Variants in BPNT1 observed in about 807,000 individuals in gnomAD.
BPNT1 encodes the protein 3'(2'),5'-bisphosphate nucleotidase 1.
BPNT1 carries 28 observed loss-of-function variants against 36.9 expected under a neutral mutation model. The observed-to-expected ratio is 0.76, with a 90% CI of 0.56 to 1.04. The LOEUF is 1.04. Among genes scored for constraint, BPNT1 ranks in the 50% least tolerant of loss-of-function variants. The pLI is 0.00. For missense variants in BPNT1, 313 were observed against 372.9 expected, an observed-to-expected ratio of 0.84 and a Z score of 1.32; for synonymous variants, 119 against 130.9, an observed-to-expected ratio of 0.91 and a Z score of 0.62.
chr1:220,064,986 T>C (rs573363179), intron 6 of BPNT1, among the ~76,000 whole-genome samples: 1 of 152,214 alleles, frequency 6.6e-6, no homozygotes, highest in East Asian at 1.9e-4. Context: ...TTTGTATTTT[T>C]TTAGTAGAGA....
At position 220,059,593 on chromosome 1, in the gene BPNT1, C is replaced by A. The variant is rs564359240; in HGVS notation, c.778+93G>T. 12 of 957,968 alleles carry A rather than the reference C, an allele frequency of 1.3e-5. No homozygotes were observed. In the Admixed American group the frequency reaches 1.6e-4, roughly 13 times the overall value. 59.3% of individuals were successfully genotyped at this position (957,968 alleles called of 1,614,324 possible). On this transcript the variant is annotated intron_variant, in intron 8 of 8. Coordinates refer to ENST00000322067, the MANE Select transcript of BPNT1 (RefSeq NM_006085.6). The stretch of plus-strand genomic sequence containing the variant: ...CTGCCTTCTAGCTTTTATATCGTAA[C>A]AGTCTAAGTAAAATAATATTACTGA...
At chr1:220,089,147 A>G in intron 1 of BPNT1, among the ~76,000 whole-genome samples, 1 of 148,514 alleles carries the variant, frequency 6.7e-6, no homozygotes, top group East Asian at 2.0e-4. Context: ...AAGGAGGAGG[A>G]AGAAGAAGAA....
At chr1:220,066,055 C>G (rs1663506123) in intron 6 of BPNT1, 2 of 1,512,514 alleles carry the variant, frequency 1.3e-6, no homozygotes, top group Admixed American at 4.1e-5. Flanking sequence ...GAGCCAAAAC[C>G]CTAGCTATTT....
chr1:220,072,651 G>C (rs1664174180), intron 4 of BPNT1, among the ~76,000 whole-genome samples, 199 bp downstream of exon 4: 1 of 152,080 alleles, frequency 6.6e-6, no homozygotes, highest in African/African-American at 2.4e-5. Context: ...AGAGTGCAAA[G>C]GAAACCCATA....
intron 1 of BPNT1, among the ~76,000 whole-genome samples, chr1:220,087,886 T>A (rs990820207): frequency 1.4e-4 from 22 of 152,200 alleles, no homozygotes; most frequent in Admixed American, 3.3e-4. Context: ...TTAATTTATT[T>A]ATTTTTTGAG....
At chr1:220,074,868 T>C (rs981466353) in intron 2 of BPNT1, among the ~76,000 whole-genome samples, 2 of 152,200 alleles carry the variant, frequency 1.3e-5, no homozygotes, top group East Asian at 3.8e-4. Context: ...AGCTCACCTA[T>C]GGCACCCTCA....
intron 5 of BPNT1, 64 bp from the exon 6 acceptor site, chr1:220,067,457 T>C: frequency 1.8e-6 from 2 of 1,104,812 alleles, no homozygotes; most frequent in Non-Finnish European, 2.6e-6. Context: ...CATTACTACA[T>C]CAATTGCTCC....
chr1:220,071,985 C>A (rs1438903982), intron 4 of BPNT1, among the ~76,000 whole-genome samples: 1 of 152,060 alleles, frequency 6.6e-6, no homozygotes, highest in Non-Finnish European at 1.5e-5. Flanking sequence ...CCATGGCCAG[C>A]GTGAAACCTA....
chr1:220,070,120 T>C (rs995451151), intron 4 of BPNT1, among the ~76,000 whole-genome samples: 6 of 152,110 alleles, frequency 3.9e-5, no homozygotes, highest in Admixed American at 6.6e-5. Context: ...TATATATAAG[T>C]GCTGATTTTA....
chr1:220,065,971 T>C, intron 6 of BPNT1: 1 of 684,552 alleles, frequency 1.5e-6, no homozygotes. Flanking sequence ...CTGGAGAAAA[T>C]GAACTGGTAT....
At chr1:220,081,148 G>A (rs1278248624) in intron 1 of BPNT1, among the ~76,000 whole-genome samples, 2 of 152,128 alleles carry the variant, frequency 1.3e-5, no homozygotes. Context: ...TCTTGGCCAG[G>A]CTGGTTTTGA....
intron 4 of BPNT1, 80 bp from the exon 5 acceptor site, chr1:220,069,512 A>G: frequency 9.1e-7 from 1 of 1,094,554 alleles, no homozygotes; most frequent in Non-Finnish European, 1.3e-6. Flanking sequence ...GATTAAAATT[A>G]CTCTTTTTTT....
rs777594605 is a variant in BPNT1 at position 220,073,956 on chromosome 1, A to G, written c.225+11T>C. 7.5e-6 allele frequency: 12 copies of G among 1,610,184 alleles called. No homozygotes were observed. The highest frequency in any genetic ancestry group is 9.3e-6 in the Non-Finnish European group (11 of 1,177,742). Reference sequence around the variant, plus strand: ...CAGAGATTTTAAAAAAATGTCTCTGATGACGCTTACCTCTTCCCCTATAAT... The same window carrying G: ...CAGAGATTTTAAAAAAATGTCTCTGGTGACGCTTACCTCTTCCCCTATAAT... On this transcript the variant is annotated intron_variant, in intron 3 of 8. Coordinates refer to ENST00000322067, the MANE Select transcript of BPNT1 (RefSeq NM_006085.6).
Position 220,074,016 on chromosome 1 carries a change from CAT to C in BPNT1, c.174_175del (p.Ile58MetfsTer22), listed in dbSNP as rs1399464121. The stretch of plus-strand genomic sequence containing the variant: ...GGGGAATTTCCGGGCCAATGAAGAA[CAT>C]ATGCTCATCTGTGCCAATCGGTCAG... On this transcript the variant is annotated frameshift_variant, in exon 3 of 9. Coordinates refer to ENST00000322067, the MANE Select transcript of BPNT1 (RefSeq NM_006085.6). LOFTEE classifies it high-confidence loss of function. The C allele has an allele frequency of 5.0e-6, 8 of 1,614,050 alleles. No individual in the cohort carries two copies. The highest frequency in any genetic ancestry group is 6.8e-6 in the Non-Finnish European group (8 of 1,180,034).
At chr1:220,086,293 T>C (rs12086370) in intron 1 of BPNT1, among the ~76,000 whole-genome samples, 2 of 152,120 alleles carry the variant, frequency 1.3e-5, no homozygotes, top group South Asian at 2.1e-4. Flanking sequence ...TTTTTTGATA[T>C]GTAGTCTCGC....
intron 1 of BPNT1, among the ~76,000 whole-genome samples, chr1:220,081,576 G>A (rs1655132148): frequency 6.6e-6 from 1 of 151,676 alleles, no homozygotes; most frequent in Non-Finnish European, 1.5e-5. Flanking sequence ...TTCAAATCCC[G>A]AAATTTTCGT....
chr1:220,063,049 A>G lies in BPNT1; in HGVS notation c.475-95T>C, dbSNP rs1247074201. 3.6e-6 allele frequency: 5 copies of G among 1,374,272 alleles called. No homozygotes were observed. In the East Asian group the frequency reaches 1.2e-4, roughly 33 times the overall value. 85.1% of individuals were successfully genotyped at this position (1,374,272 alleles called of 1,614,324 possible). ...TTCAGTTATATTAGCATCATGATTT[A>G]AAAAATAAAAACATGATAGCCGGGC... On this transcript the variant is annotated intron_variant, in intron 6 of 8. Coordinates refer to ENST00000322067, the MANE Select transcript of BPNT1 (RefSeq NM_006085.6).
chr1:220,066,334 T>C (rs998325135), intron 6 of BPNT1, among the ~76,000 whole-genome samples: 11 of 152,186 alleles, frequency 7.2e-5, no homozygotes, highest in Admixed American at 6.5e-4. Flanking sequence ...TAAAATCATA[T>C]TTAAAGAATT....
At chr1:220,066,771 C>A (rs958704477) in intron 6 of BPNT1, among the ~76,000 whole-genome samples, 1 of 152,168 alleles carries the variant, frequency 6.6e-6, no homozygotes, top group Non-Finnish European at 1.5e-5. Context: ...CGTTCTGTTA[C>A]CAACACTGAC....
Sources: allele counts gnomAD v4.1 joint callset (sites outside exome capture counted in the v4.1 genomes callset), GRCh38; gene constraint gnomAD v4.1.1; transcripts MANE v1.5; gene names NCBI Gene and HGNC (gene_info 2026-07-23, HGNC 2026-07-21).